The following DYNC1I1 variants were observed in gnomAD, a reference collection of about 807,000 sequenced individuals.
DYNC1I1 encodes dynein cytoplasmic 1 intermediate chain 1.
DYNC1I1 carries 43 observed loss-of-function variants against 86.6 expected under a neutral mutation model. That is an observed-to-expected ratio of 0.50 (90% CI 0.39 to 0.64). The LOEUF (loss-of-function observed/expected upper bound fraction) is 0.64, where lower values mean the gene tolerates loss of function less well. Among genes scored for constraint, DYNC1I1 ranks in the 30% least tolerant of loss-of-function variants. The probability of loss-of-function intolerance (pLI) is 0.00; values close to 1 mark genes in which losing one functional copy is unlikely to be tolerated. For synonymous variants in DYNC1I1, 262 were observed against 283.7 expected, an observed-to-expected ratio of 0.92 and a Z score of 0.77; for missense variants, 604 against 788.8, an observed-to-expected ratio of 0.77 and a Z score of 2.81.
At chr7:96,107,151 C>A (rs986958725) in intron 16 of DYNC1I1, among the ~76,000 whole-genome samples, 2 of 151,834 alleles carry the variant, frequency 1.3e-5, no homozygotes, top group African/African-American at 4.8e-5. Flanking sequence ...CTCAGCCTCC[C>A]GAGAAGCTGA....
At chr7:95,778,431 T>C (rs892277668) in intron 1 of DYNC1I1, among the ~76,000 whole-genome samples, 1 of 152,062 alleles carries the variant, frequency 6.6e-6, no homozygotes, top group Non-Finnish European at 1.5e-5. Flanking sequence ...TGCTGTGTGT[T>C]ATGGGTCAGT....
At chr7:95,840,764 T>C (rs1789259692) in intron 5 of DYNC1I1, among the ~76,000 whole-genome samples, 1 of 152,174 alleles carries the variant, frequency 6.6e-6, no homozygotes, top group Non-Finnish European at 1.5e-5. Flanking sequence ...CAAACTGCCA[T>C]CTGTTTCCTT....
intron 10 of DYNC1I1, among the ~76,000 whole-genome samples, chr7:96,014,533 TCA>T (rs1794357383): frequency 6.6e-6 from 1 of 152,198 alleles, no homozygotes; most frequent in Admixed American, 6.5e-5. Flanking sequence ...TTGGCTGGTC[TCA>T]CTGTTGGTGT....
chr7:95,837,115 T>C (rs1270569963), intron 5 of DYNC1I1, among the ~76,000 whole-genome samples: 3 of 150,016 alleles, frequency 2.0e-5, no homozygotes, highest in Non-Finnish European at 3.0e-5. Flanking sequence ...ACTTTTGGTC[T>C]TTGATGATGG....
At chr7:95,825,577 AG>A (rs1271284065) in intron 4 of DYNC1I1, among the ~76,000 whole-genome samples, 1 of 152,204 alleles carries the variant, frequency 6.6e-6, no homozygotes, top group Non-Finnish European at 1.5e-5. Context: ...AGAAGCAAGA[AG>A]GGCTAATTTT....
intron 6 of DYNC1I1, among the ~76,000 whole-genome samples, chr7:95,953,506 A>C (rs1792616805): frequency 6.6e-6 from 1 of 152,218 alleles, no homozygotes; most frequent in Non-Finnish European, 1.5e-5. Context: ...CTTTCAAAAC[A>C]GATCAGACAT....
At position 95,966,192 on chromosome 7, in the gene DYNC1I1, G is replaced by A. The variant is rs76935502; in HGVS notation, c.491-11320G>A. Among the ~76,000 whole-genome samples, 1,069 of 152,294 alleles carry A rather than the reference G, an allele frequency of 7.0e-3. 15 individuals are homozygous for A. The highest frequency in any genetic ancestry group is 0.024 in the African/African-American group (1,004 of 41,556). The stretch of plus-strand genomic sequence containing the variant: ...CCAAAGGAGGTGGACTGATGGACAG[G>A]ATGACCATAGGTCTGGTTTTCCCAG... On this transcript the variant is annotated intron_variant, in intron 6 of 16. Transcript: ENST00000447467.
At chr7:95,776,199 GA>G (rs1251723076) in intron 1 of DYNC1I1, among the ~76,000 whole-genome samples, 2 of 152,006 alleles carry the variant, frequency 1.3e-5, no homozygotes, top group Non-Finnish European at 1.5e-5. Flanking sequence ...TCTTAAAAAA[GA>G]AAAAAATTAT....
chr7:95,896,675 G>A (rs1790891025), intron 6 of DYNC1I1, among the ~76,000 whole-genome samples: 1 of 152,210 alleles, frequency 6.6e-6, no homozygotes, highest in South Asian at 2.1e-4. Flanking sequence ...GGCAAGGCCA[G>A]TGAGAAATCA....
intron 3 of DYNC1I1, 123 bp from the exon 4 acceptor site, chr7:95,813,124 T>C: frequency 7.5e-7 from 1 of 1,332,596 alleles, no homozygotes; most frequent in South Asian, 1.4e-5. Flanking sequence ...CCCATCTCAA[T>C]GTCTCCTGGC....
At chr7:95,787,630 T>A (rs549210043) in intron 1 of DYNC1I1, among the ~76,000 whole-genome samples, 6 of 152,316 alleles carry the variant, frequency 3.9e-5, no homozygotes, top group South Asian at 4.1e-4. Flanking sequence ...AAATATTATC[T>A]ACTCTGACCA....
At chr7:96,032,805 A>G in intron 12 of DYNC1I1, 25 bp downstream of exon 12, 2 of 1,570,060 alleles carry the variant, frequency 1.3e-6, no homozygotes. Context: ...CCCTACACAT[A>G]ACACCATCCT....
intron 6 of DYNC1I1, among the ~76,000 whole-genome samples, chr7:95,925,983 A>G (rs1051246957): frequency 6.6e-6 from 1 of 152,196 alleles, no homozygotes; most frequent in African/African-American, 2.4e-5. Context: ...AATTTAAACA[A>G]GGAGCCCTGT....
chr7:95,775,658 C>T (rs932139758), intron 1 of DYNC1I1, among the ~76,000 whole-genome samples: 4 of 152,176 alleles, frequency 2.6e-5, no homozygotes, highest in African/African-American at 9.7e-5. Context: ...CCCATGGCCC[C>T]TTAAAATAAA....
chr7:96,063,390 T>C (rs139357238), intron 14 of DYNC1I1, among the ~76,000 whole-genome samples: 2,654 of 152,236 alleles, frequency 0.017, 82 homozygotes, highest in African/African-American at 0.057. Context: ...TCTCTTCTCA[T>C]TTGAGAATTA....
intron 14 of DYNC1I1, among the ~76,000 whole-genome samples, chr7:96,050,066 GAT>G (rs1269094206): frequency 6.7e-6 from 1 of 148,454 alleles, no homozygotes; most frequent in Non-Finnish European, 1.5e-5. Flanking sequence ...AGCTCAAAAA[GAT>G]AACCAGAAAA....
intron 12 of DYNC1I1, among the ~76,000 whole-genome samples, chr7:96,033,736 A>G: frequency 6.6e-6 from 1 of 152,180 alleles, no homozygotes; most frequent in Non-Finnish European, 1.5e-5. Context: ...GAGACAGGGC[A>G]CGGTGGCTCA....
At chr7:95,863,391 G>A (rs1478486817) in intron 5 of DYNC1I1, among the ~76,000 whole-genome samples, 1 of 152,200 alleles carries the variant, frequency 6.6e-6, no homozygotes, top group Non-Finnish European at 1.5e-5. Flanking sequence ...ATTTTTGAGA[G>A]GGTAACGAAA....
intron 5 of DYNC1I1, among the ~76,000 whole-genome samples, chr7:95,842,812 T>C (rs940692099): frequency 1.3e-5 from 2 of 152,156 alleles, no homozygotes; most frequent in Admixed American, 1.3e-4. Flanking sequence ...GAGTGAGAGT[T>C]CTCAGCCTCC....
Sources: allele counts gnomAD v4.1 joint callset (sites outside exome capture counted in the v4.1 genomes callset), GRCh38; gene constraint gnomAD v4.1.1; transcripts MANE v1.5; gene names NCBI Gene and HGNC (gene_info 2026-07-23, HGNC 2026-07-21).